The following NKAIN2 variants were observed in gnomAD, a reference collection of about 807,000 sequenced individuals.
NKAIN2 encodes the protein sodium/potassium-transporting ATPase subunit beta-1-interacting protein 2.
NKAIN2 carries 14 observed loss-of-function variants against 32.6 expected under a neutral mutation model. The ratio of observed to expected loss-of-function variants is 0.43; its 90% CI spans 0.28 to 0.67. The LOEUF (loss-of-function observed/expected upper bound fraction) is 0.67. NKAIN2 is among the 30% of genes least tolerant of loss of function. The pLI is 0.17. For missense variants in NKAIN2, 198 were observed against 258.3 expected (o/e 0.77, Z 1.60); for synonymous variants, 80 against 87.2 (o/e 0.92, Z 0.46).
intron 3 of NKAIN2, among the ~76,000 whole-genome samples, chr6:124,552,526 C>A (rs647887): frequency 6.6e-6 from 1 of 151,976 alleles, no homozygotes; most frequent in African/African-American, 2.4e-5. Flanking sequence ...GAAGAGACAT[C>A]GAAGTCCATC....
chr6:124,551,986 A>G (rs1780304167), intron 3 of NKAIN2, among the ~76,000 whole-genome samples: 2 of 152,210 alleles, frequency 1.3e-5, no homozygotes, highest in African/African-American at 4.8e-5. Flanking sequence ...CCAGTTGATA[A>G]TCGTTAGAAA....
chr6:124,806,599 G>A (rs1447637961), intron 5 of NKAIN2, among the ~76,000 whole-genome samples: 1 of 151,596 alleles, frequency 6.6e-6, no homozygotes, highest in African/African-American at 2.4e-5. Flanking sequence ...AAGATAACCA[G>A]CTAACATCAT....
chr6:124,575,576 G>T (rs1316828872), intron 3 of NKAIN2, among the ~76,000 whole-genome samples: 1 of 152,190 alleles, frequency 6.6e-6, no homozygotes, highest in Admixed American at 6.5e-5. Context: ...GCTCTGTCTA[G>T]TGACATAGCT....
At chr6:124,353,665 G>T (rs569190068) in intron 2 of NKAIN2, among the ~76,000 whole-genome samples, 1 of 152,226 alleles carries the variant, frequency 6.6e-6, no homozygotes, top group South Asian at 2.1e-4. Context: ...TGAGGCAGGA[G>T]AATGGCTTGA....
At chr6:123,911,787 A>ATATGTATATATATG (rs1554222342) in intron 1 of NKAIN2, among the ~76,000 whole-genome samples, 17 of 71,266 alleles carry the variant, frequency 2.4e-4, no homozygotes, top group African/African-American at 8.5e-4. Context: ...ACATACATAT[A>ATATGTATATATATG]TATATATATA....
chr6:124,746,431 A>G (rs1443205901), intron 4 of NKAIN2, among the ~76,000 whole-genome samples: 1 of 151,920 alleles, frequency 6.6e-6, no homozygotes, highest in Non-Finnish European at 1.5e-5. Flanking sequence ...GTGACCAAAC[A>G]TGTTTATATT....
At chr6:124,046,802 G>A (rs1195358584) in intron 1 of NKAIN2, among the ~76,000 whole-genome samples, 3 of 151,646 alleles carry the variant, frequency 2.0e-5, no homozygotes, top group Non-Finnish European at 2.9e-5. Flanking sequence ...GGAGTTCTAT[G>A]GTGTACATCA....
At chr6:123,927,781 T>C (rs1776070498) in intron 1 of NKAIN2, among the ~76,000 whole-genome samples, 2 of 152,182 alleles carry the variant, frequency 1.3e-5, no homozygotes, top group Admixed American at 6.5e-5. Flanking sequence ...ACATTCCCTT[T>C]TCAGTTAGTA....
intron 1 of NKAIN2, among the ~76,000 whole-genome samples, chr6:124,164,922 G>T (rs1582771564): frequency 6.6e-6 from 1 of 152,028 alleles, no homozygotes; most frequent in Non-Finnish European, 1.5e-5. Flanking sequence ...TGGTACATTT[G>T]TGACAGAATA....
chr6:124,439,456 C>T (rs181365694), intron 3 of NKAIN2, among the ~76,000 whole-genome samples: 53 of 151,734 alleles, frequency 3.5e-4, no homozygotes, highest in African/African-American at 1.2e-3. Flanking sequence ...CTTATTTCTT[C>T]GTACACTAGA....
At chr6:124,712,103 G>A (rs892345543) in intron 4 of NKAIN2, among the ~76,000 whole-genome samples, 3 of 151,558 alleles carry the variant, frequency 2.0e-5, no homozygotes, top group African/African-American at 4.9e-5. Context: ...TGCCCCTGCT[G>A]GGGGGTGCCT....
At chr6:123,913,267 A>G (rs1310478545) in intron 1 of NKAIN2, among the ~76,000 whole-genome samples, 1 of 152,240 alleles carries the variant, frequency 6.6e-6, no homozygotes, top group Non-Finnish European at 1.5e-5. Flanking sequence ...ATGAAAACAA[A>G]TAGGGCCTAA....
At chr6:124,673,091 C>T (rs1051706543) in intron 4 of NKAIN2, among the ~76,000 whole-genome samples, 1 of 152,088 alleles carries the variant, frequency 6.6e-6, no homozygotes, top group African/African-American at 2.4e-5. Flanking sequence ...CTCTCTGCTT[C>T]TGTGAGTCTC....
chr6:124,068,643 G>T (rs997993065), intron 1 of NKAIN2, among the ~76,000 whole-genome samples: 1 of 152,030 alleles, frequency 6.6e-6, no homozygotes, highest in African/African-American at 2.4e-5. Flanking sequence ...AGCAGAGCAA[G>T]TAGTTGGGTT....
chr6:124,042,752 A>C, intron 1 of NKAIN2, among the ~76,000 whole-genome samples: 1 of 152,100 alleles, frequency 6.6e-6, no homozygotes, highest in East Asian at 1.9e-4. Flanking sequence ...ATATTTCTAA[A>C]ATTTTAAGAA....
intron 3 of NKAIN2, among the ~76,000 whole-genome samples, chr6:124,572,633 A>G (rs986165636): frequency 1.4e-5 from 2 of 146,340 alleles, no homozygotes; most frequent in Non-Finnish European, 2.9e-5. Context: ...AGATATCTAT[A>G]AAGTCTTACC....
chr6:124,059,659 T>A (rs1782834264), intron 1 of NKAIN2, among the ~76,000 whole-genome samples: 1 of 152,172 alleles, frequency 6.6e-6, no homozygotes. Flanking sequence ...TCCTTTTGTG[T>A]CGAGTGCTTC....
chr6:123,929,322 G>T (rs1005150758), intron 1 of NKAIN2, among the ~76,000 whole-genome samples: 1 of 152,094 alleles, frequency 6.6e-6, no homozygotes, highest in Non-Finnish European at 1.5e-5. Flanking sequence ...GGTGTCCTGG[G>T]ATAAATACTC....
intron 3 of NKAIN2, among the ~76,000 whole-genome samples, chr6:124,391,225 C>T (rs551068420): frequency 6.6e-6 from 1 of 152,194 alleles, no homozygotes; most frequent in African/African-American, 2.4e-5. Context: ...CAGTACAAGT[C>T]TACAGTGAAG....
Sources: allele counts gnomAD v4.1 joint callset (sites outside exome capture counted in the v4.1 genomes callset), GRCh38; gene constraint gnomAD v4.1.1; transcripts MANE v1.5; gene names NCBI Gene and HGNC (gene_info 2026-07-23, HGNC 2026-07-21).